DPH6: variants seen among roughly 807,000 people sequenced by gnomAD.
DPH6 encodes the protein diphthine--ammonia ligase.
DPH6 carries 33 observed loss-of-function variants against 38.2 expected under a neutral mutation model. That is an observed-to-expected ratio of 0.86 (90% CI 0.65 to 1.15). DPH6 has a LOEUF of 1.15. DPH6 is among the 50% of genes most tolerant of loss of function. The pLI is 0.00. For synonymous variants in DPH6, 108 were observed against 103.0 expected (o/e 1.05, Z -0.30); for missense variants, 325 against 320.0 (o/e 1.02, Z -0.12).
rs142876661 is a variant in DPH6, at chr15:35,227,896, G to A, written n.201-7314C>T. ...CCTTATTGACCCATTGATCATTTGTGAGCATATTGTTTAATTTTCATGTAT... is the reference window on the plus strand; with the variant it reads ...CCTTATTGACCCATTGATCATTTGTAAGCATATTGTTTAATTTTCATGTAT... On this transcript the variant is annotated intron_variant and non_coding_transcript_variant, in intron 3 of 3. Transcript: ENST00000560386. Among the ~76,000 whole-genome samples the A allele has an allele frequency of 1.6e-4, 25 of 151,940 alleles. No homozygotes were observed. In the East Asian group the frequency reaches 4.8e-3, roughly 29 times the overall value.
At chr15:35,365,586 A>T (rs1013651304) in intron 3 of DPH6, among the ~76,000 whole-genome samples, 3 of 152,082 alleles carry the variant, frequency 2.0e-5, no homozygotes, top group African/African-American at 4.8e-5. Flanking sequence ...AAGACAGTCA[A>T]TTGGAGTTTG....
the DPH6 span, among the ~76,000 whole-genome samples, chr15:35,208,312 A>G: frequency 1.3e-5 from 2 of 152,206 alleles, no homozygotes; most frequent in South Asian, 2.1e-4. Flanking sequence ...TTCTCTATCA[A>G]TCGAAGAAAG....
chr15:35,171,217 C>T, the DPH6 span, among the ~76,000 whole-genome samples: 1 of 152,206 alleles, frequency 6.6e-6, no homozygotes, highest in Non-Finnish European at 1.5e-5. Context: ...AATGGTTCGT[C>T]TGCCACTGCA....
intron 3 of DPH6, among the ~76,000 whole-genome samples, chr15:35,311,684 G>T (rs997316009): frequency 6.6e-6 from 1 of 152,140 alleles, no homozygotes; most frequent in African/African-American, 2.4e-5. Context: ...ACTTATTCCA[G>T]AAGGAAAACT....
chr15:35,390,248 G>A (rs189475454), intron 6 of DPH6, among the ~76,000 whole-genome samples: 121 of 152,264 alleles, frequency 7.9e-4, no homozygotes, highest in African/African-American at 2.7e-3. Context: ...TGGGTAACCC[G>A]ACCTTTCTCT....
intron 3 of DPH6, among the ~76,000 whole-genome samples, chr15:35,269,337 T>C (rs1260968400): frequency 6.6e-6 from 1 of 152,174 alleles, no homozygotes; most frequent in African/African-American, 2.4e-5. Flanking sequence ...TGATTAAATC[T>C]CTCTAAGAGT....
At chr15:35,379,717 A>G (rs990894393) in intron 7 of DPH6, among the ~76,000 whole-genome samples, 1 of 152,180 alleles carries the variant, frequency 6.6e-6, no homozygotes, top group Non-Finnish European at 1.5e-5. Context: ...ATATTTCCCA[A>G]CCTATAACTT....
At position 35,373,585 on chromosome 15, in the gene DPH6, T is replaced by C. The variant is rs1487273441; in HGVS notation, c.686A>G (p.His229Arg). The C allele has an allele frequency of 2.7e-5, 44 of 1,609,224 alleles. No homozygotes were observed. The highest frequency in any genetic ancestry group is 3.7e-5 in the Non-Finnish European group (44 of 1,177,686). Residue 229 changes from histidine to arginine, a missense_variant, in exon 8 of 9, where the codon CAT (histidine) becomes CGT (arginine). His to Arg is a conservative substitution (Grantham distance 29). Coordinates refer to ENST00000256538, the MANE Select transcript of DPH6 (RefSeq NM_080650.4). ...CACAGGTGCAAATGCATCAGCTGAA[T>C]GTATGACTACTTCTGATGAATCCCT... ...IIVDSSEVVIHSADAFAPVAY... is the reference protein window; with the variant it reads ...IIVDSSEVVIRSADAFAPVAY...
chr15:35,278,428 T>C (rs1015412691), intron 3 of DPH6, among the ~76,000 whole-genome samples: 11 of 152,230 alleles, frequency 7.2e-5, no homozygotes, highest in African/African-American at 2.7e-4. Flanking sequence ...AAAGCCTAGG[T>C]GCCTGGGCAG....
chr15:35,397,274 C>T (rs1281507286), intron 6 of DPH6, among the ~76,000 whole-genome samples: 1 of 152,192 alleles, frequency 6.6e-6, no homozygotes, highest in Non-Finnish European at 1.5e-5. Flanking sequence ...TTTCCCAATT[C>T]TTTGACAGCT....
chr15:35,149,035 A>C, the DPH6 span, among the ~76,000 whole-genome samples: 1 of 152,032 alleles, frequency 6.6e-6, no homozygotes, highest in East Asian at 1.9e-4. Flanking sequence ...TGCTCAGGGA[A>C]TACTTCCCTC....
At chr15:35,390,816 T>A (rs1281836524) in intron 6 of DPH6, among the ~76,000 whole-genome samples, 2 of 152,200 alleles carry the variant, frequency 1.3e-5, no homozygotes, top group Non-Finnish European at 2.9e-5. Flanking sequence ...AGTAGTTTGA[T>A]CTTCTGAAGC....
intron 6 of DPH6, 48 bp from the exon 7 acceptor site, chr15:35,381,964 C>T (rs1366797069): frequency 1.3e-5 from 18 of 1,385,182 alleles, no homozygotes; most frequent in Non-Finnish European, 1.8e-5. Flanking sequence ...TAAAATTAGA[C>T]AGCATAAATG....
At chr15:35,386,073 A>T (rs542748401) in intron 6 of DPH6, among the ~76,000 whole-genome samples, 3 of 151,658 alleles carry the variant, frequency 2.0e-5, no homozygotes, top group Non-Finnish European at 4.4e-5. Context: ...TTCAATTCCC[A>T]CCTATGGGGT....
chr15:35,234,024 C>T (rs968129470), intron 3 of DPH6, among the ~76,000 whole-genome samples: 2 of 152,180 alleles, frequency 1.3e-5, no homozygotes, highest in African/African-American at 4.8e-5. Flanking sequence ...GTATGGCCCC[C>T]AACCCCCCAC....
At chr15:35,249,039 G>A (rs756177587) in intron 3 of DPH6, among the ~76,000 whole-genome samples, 10 of 152,168 alleles carry the variant, frequency 6.6e-5, no homozygotes, top group Non-Finnish European at 1.3e-4. Flanking sequence ...AGAGGAAACC[G>A]CAGAATTATA....
chr15:35,195,959 C>A, the DPH6 span, among the ~76,000 whole-genome samples: 8 of 152,150 alleles, frequency 5.3e-5, no homozygotes, highest in South Asian at 1.5e-3. Context: ...AAAGAACTTA[C>A]AAGTGTGGGC....
chr15:35,530,422 G>A (rs372837607), intron 3 of DPH6, among the ~76,000 whole-genome samples: 78 of 152,266 alleles, frequency 5.1e-4, no homozygotes, highest in African/African-American at 1.9e-3. Flanking sequence ...TCAACACAAT[G>A]TAAGATATAT....
chr15:35,542,588 A>C, intron 1 of DPH6, 81 bp from the exon 2 acceptor site: 2 of 1,275,128 alleles, frequency 1.6e-6, no homozygotes, highest in Non-Finnish European at 1.1e-6. Context: ...TCAAAACAGA[A>C]CATATCATTT....
Sources: gnomAD v4.1 joint callset for allele counts (sites outside exome capture counted in the v4.1 genomes callset) on GRCh38, gnomAD v4.1.1 for gene constraint, MANE v1.5 for transcripts, NCBI Gene and HGNC (gene_info 2026-07-23, HGNC 2026-07-21) for gene names.